Variants in ZNF33B observed in about 807,000 individuals in gnomAD.
The protein encoded by ZNF33B is zinc finger protein 33B, also known as zinc finger protein 11b (KOX 2).
ZNF33B carries 29 observed loss-of-function variants against 45.8 expected under a neutral mutation model. That is an observed-to-expected ratio of 0.63 (90% CI 0.47 to 0.86). The LOEUF (loss-of-function observed/expected upper bound fraction) is 0.86. ZNF33B is among the 40% of genes least tolerant of loss of function. ZNF33B has a pLI of 0.00. For missense variants in ZNF33B, 831 were observed against 909.9 expected (o/e 0.91, Z 1.12); for synonymous variants, 305 against 307.8 (o/e 0.99, Z 0.10).
chr10:42,593,149 T>C lies in ZNF33B; in HGVS notation c.1801A>G (p.Arg601Gly), dbSNP rs184831877. ...TAGGGTTTCTCCCCTGTATGTGTTC[T>C]ATTATGTTTTGTTAGGTATGATTTA... ...YNKSYLTKHN[R>G]THTGEKPYEC... Residue 601 changes from arginine (R) to glycine (G), a missense_variant, in exon 5 of 5, where the codon AGA (arginine) becomes GGA (glycine). By Grantham distance (125) the Arg-to-Gly change is moderately radical. Transcript: ENST00000359467. 3.7e-6 allele frequency: 6 copies of C among 1,613,782 alleles called. No individual in the cohort carries two copies. In the East Asian group the frequency reaches 1.3e-4, roughly 36 times the overall value.
chr10:42,618,041 A>C (rs1372356212), intron 4 of ZNF33B, among the ~76,000 whole-genome samples: 1 of 152,044 alleles, frequency 6.6e-6, no homozygotes, highest in Non-Finnish European at 1.5e-5. Context: ...CCACATTTAG[A>C]CCTGCTTAGG....
intron 4 of ZNF33B, among the ~76,000 whole-genome samples, chr10:42,606,161 A>C (rs1026017328): frequency 4.6e-5 from 7 of 151,858 alleles, no homozygotes; most frequent in Non-Finnish European, 1.5e-5. Flanking sequence ...AAAAAGAATA[A>C]AGCAAAAAAA....
intron 4 of ZNF33B, among the ~76,000 whole-genome samples, chr10:42,610,918 A>G (rs2132093541): frequency 6.6e-6 from 1 of 152,360 alleles, no homozygotes; most frequent in Non-Finnish European, 1.5e-5. Context: ...ACAAAATTAC[A>G]ATAATCAAGA....
At chr10:42,618,086 T>A (rs1470142207) in intron 4 of ZNF33B, among the ~76,000 whole-genome samples, 1 of 152,198 alleles carries the variant, frequency 6.6e-6, no homozygotes, top group Non-Finnish European at 1.5e-5. Flanking sequence ...CCTGTGTGTA[T>A]AAGTAATAAA....
chr10:42,603,425 G>C lies in ZNF33B; in HGVS notation c.251-8726C>G, dbSNP rs189351317. Among the ~76,000 whole-genome samples, 317 of 152,320 alleles carry C rather than the reference G, an allele frequency of 2.1e-3. 2 individuals carry two copies. The highest frequency in any genetic ancestry group is 3.1e-3 in the Non-Finnish European group (213 of 68,030). On this transcript the variant is annotated intron_variant, in intron 4 of 4. Coordinates refer to ENST00000359467, the MANE Select transcript of ZNF33B (RefSeq NM_006955.3). ...CAACAAGCTAAACCACAGACCAACT[G>C]AAAGTTTACTGGAGAGAGCAAGGGA...
At chr10:42,608,729 C>A (rs210273) in intron 4 of ZNF33B, among the ~76,000 whole-genome samples, 89,020 of 151,778 alleles carry the variant, frequency 0.59, 30,147 homozygotes, top group Non-Finnish European at 0.77. Flanking sequence ...AAACACTGGA[C>A]AGGAGCAGCA....
chr10:42,622,395 G>C (rs1026463064), intron 4 of ZNF33B, among the ~76,000 whole-genome samples: 1 of 152,112 alleles, frequency 6.6e-6, no homozygotes, highest in East Asian at 1.9e-4. Flanking sequence ...TTAAAAAGAA[G>C]AACAAAGTCA....
chr10:42,599,635 CATATGGTGG>C (rs1837542445), intron 4 of ZNF33B, among the ~76,000 whole-genome samples: 2 of 151,914 alleles, frequency 1.3e-5, no homozygotes, highest in Non-Finnish European at 2.9e-5. Context: ...TATGCATTTA[CATATGGTGG>C]ATATATATGC....
intron 1 of ZNF33B, among the ~76,000 whole-genome samples, chr10:42,580,339 C>T (rs1836806208): frequency 6.6e-6 from 1 of 152,134 alleles, no homozygotes; most frequent in East Asian, 2.0e-4. Context: ...CTCCCAGGTT[C>T]AAGCCATTCT....
rs1048844 is a variant in ZNF33B at position 42,589,912 on chromosome 10, G to A, written c.*2701C>T. On this transcript the variant is annotated 3_prime_UTR_variant, in exon 5 of 5. Coordinates refer to ENST00000359467, the MANE Select transcript of ZNF33B (RefSeq NM_006955.3). Reference sequence around the variant, plus strand: ...GCATTTAGTTGGAAACATCAAGGATGATGCTAGATGTAGGGTTTTTTGTAG... The same window carrying A: ...GCATTTAGTTGGAAACATCAAGGATAATGCTAGATGTAGGGTTTTTTGTAG... The A allele has an allele frequency of 6.6e-6, 1 of 152,230 alleles. No homozygotes were observed. The highest frequency in any genetic ancestry group is 6.5e-5 in the Admixed American group (1 of 15,288). The allele number at this position is 152,230 out of a possible 1,614,324, so 9.4% of individuals were successfully genotyped here.
intron 4 of ZNF33B, among the ~76,000 whole-genome samples, chr10:42,609,029 A>C (rs914390320): frequency 1.3e-5 from 2 of 152,226 alleles, no homozygotes; most frequent in African/African-American, 4.8e-5. Context: ...GGAAAAATCC[A>C]TAAAACAAAA....
chr10:42,606,478 A>T (rs1837857752), intron 4 of ZNF33B, among the ~76,000 whole-genome samples: 1 of 152,178 alleles, frequency 6.6e-6, no homozygotes, highest in African/African-American at 2.4e-5. Context: ...GGGAAAAAAA[A>T]TAGGTACAGA....
intron 1 of ZNF33B, chr10:42,574,771 G>A (rs964910693): frequency 5.9e-5 from 9 of 152,106 alleles, no homozygotes; most frequent in African/African-American, 2.2e-4. Flanking sequence ...GAACCTAGAA[G>A]GGGTACAGTG....
At chr10:42,577,875 A>C (rs911158910) in intron 1 of ZNF33B, among the ~76,000 whole-genome samples, 2 of 152,204 alleles carry the variant, frequency 1.3e-5, no homozygotes, top group African/African-American at 4.8e-5. Flanking sequence ...CCCACTGAGG[A>C]GGCCTACATA....
chr10:42,615,271 A>G (rs1360844548), intron 4 of ZNF33B, among the ~76,000 whole-genome samples: 1 of 152,244 alleles, frequency 6.6e-6, no homozygotes, highest in Non-Finnish European at 1.5e-5. Context: ...TTATACATGA[A>G]CAATTACAGC....
At chr10:42,636,289 T>G (rs74137915) in intron 2 of ZNF33B, among the ~76,000 whole-genome samples, 10,275 of 152,264 alleles carry the variant, frequency 0.067, 643 homozygotes, top group African/African-American at 0.16. Context: ...GGAAGGTTAT[T>G]CACTATGGGT....
chr10:42,610,078 A>T (rs1838036438), intron 4 of ZNF33B, among the ~76,000 whole-genome samples: 1 of 152,226 alleles, frequency 6.6e-6, no homozygotes, highest in Non-Finnish European at 1.5e-5. Flanking sequence ...AGGGGAATTC[A>T]GATTGAAAAA....
chr10:42,619,235 A>G (rs1310463945), intron 4 of ZNF33B, among the ~76,000 whole-genome samples: 6 of 152,214 alleles, frequency 3.9e-5, no homozygotes, highest in Non-Finnish European at 7.3e-5. Context: ...GCGACTTCAA[A>G]TGGTGGGAAA....
intron 4 of ZNF33B, among the ~76,000 whole-genome samples, chr10:42,626,059 A>G (rs1838792074): frequency 6.6e-6 from 1 of 152,210 alleles, no homozygotes; most frequent in Non-Finnish European, 1.5e-5. Context: ...AGATCCTCTT[A>G]ATGTCTTGTA....
Sources: gnomAD v4.1 joint callset for allele counts (sites outside exome capture counted in the v4.1 genomes callset) on GRCh38, gnomAD v4.1.1 for gene constraint, MANE v1.5 for transcripts, NCBI Gene and HGNC (gene_info 2026-07-23, HGNC 2026-07-21) for gene names.